Variants in PGGHG observed in about 807,000 individuals in gnomAD.
PGGHG encodes protein-glucosylgalactosylhydroxylysine glucosidase.
A neutral mutation model predicts 74.5 loss-of-function variants in PGGHG; 67 were observed. The observed-to-expected ratio is 0.90, with a 90% CI of 0.74 to 1.10. The LOEUF is 1.10. Ranked by LOEUF, PGGHG falls within the 50% of genes least tolerant of loss-of-function variation. The pLI, the probability that PGGHG is intolerant of heterozygous loss-of-function variation, is 0.00. For synonymous variants in PGGHG, 496 were observed against 419.9 expected (o/e 1.18, Z -2.21); for missense variants, 1,034 against 981.5 (o/e 1.05, Z -0.72).
rs1343474182 is a variant in PGGHG, at chr11:294,675, C to T, written c.2140C>T (p.Gln714Ter). Residue 714 changes from glutamine (Q) to a stop codon, truncating the protein, a stop_gained, in exon 14 of 14, where the codon CAG becomes TAG. Coordinates refer to ENST00000409548, the MANE Select transcript of PGGHG (RefSeq NM_025092.5). LOFTEE classifies it low-confidence loss of function (END_TRUNC). The stretch of plus-strand genomic sequence containing the variant: ...TTTTTCAGATGTTAGGGACCCGCTC[C>T]AGAGCCCCCTCTGGGTCACCCTGGG... ...RTFSDVRDPL[Q>*]SPLWVTLGSS... is the part of the protein sequence containing the mutation. 6 of 1,613,552 alleles carry T rather than the reference C, an allele frequency of 3.7e-6. No homozygotes were observed. Among genetic ancestry groups the T allele is most frequent in the Non-Finnish European group, 5.1e-6 (6 of 1,179,964 alleles).
rs928335063 is a variant in PGGHG at position 294,271 on chromosome 11, A to T, written c.1813A>T (p.Thr605Ser). The T allele has an allele frequency of 2.5e-6, 4 of 1,602,458 alleles. No individual in the cohort carries two copies. In the Admixed American group the frequency reaches 5.1e-5, roughly 20 times the overall value. Reference sequence around the variant, plus strand: ...CACAAGCCTCTCCTCCCACAGGGTCACCCGAGCGGGTGTGACCTTTGACCC... The same window carrying T: ...CACAAGCCTCTCCTCCCACAGGGTCTCCCGAGCGGGTGTGACCTTTGACCC... ...VVFGCTGFRV[T>S]RAGVTFDPVC... The change falls in exon 13 of 14, where the codon ACC becomes TCC. Residue 605 changes from threonine to serine, a missense_variant. By Grantham distance (58) the Thr-to-Ser change is moderately conservative (BLOSUM62 1). Coordinates refer to ENST00000409548, the MANE Select transcript of PGGHG (RefSeq NM_025092.5).
rs1247488862 is a variant in PGGHG at position 289,873 on chromosome 11, C to T, written c.57C>T (p.Asp19=). 16 of 1,551,180 alleles carry T rather than the reference C, an allele frequency of 1.0e-5. No homozygotes were observed. Among genetic ancestry groups the T allele is most frequent in the Non-Finnish European group, 1.3e-5 (15 of 1,146,928 alleles). ...TTGCTGCCCACTCTCTGCCCAGTGA[C>T]CCCCGTCTCTTGGCCACTGTGACCA... is the stretch of plus-strand genomic sequence containing the variant. ...TTFAAHSLPS[D]PRLLATVTNA... Residue 19 remains aspartate (D), a synonymous_variant, in exon 2 of 14, where the codon GAC becomes GAT. Transcript: ENST00000409548. This position sits in a 1 kb window ranked among gnomAD's most constrained non-coding sequence, Gnocchi z 5.6.
At position 290,561 on chromosome 11, in the gene PGGHG, A is replaced by G; in HGVS notation, c.431A>G (p.Asp144Gly). Residue 144 changes from aspartate (D) to glycine (G), a missense_variant, in exon 3 of 14, where the codon GAC (aspartate) becomes GGC (glycine). Physicochemically the swap from Asp to Gly is moderately conservative, Grantham distance 94. Coordinates refer to ENST00000409548, the MANE Select transcript of PGGHG (RefSeq NM_025092.5). ...LRSAFSPESP[D>G]LDLHQGPDFQ... ...TCAGCCTTCTCCCCAGAAAGCCCAG[A>G]CCTGGACCTGCATCAGGGTCCTGAC... 1.3e-6 allele frequency: 2 copies of G among 1,551,838 alleles called. No homozygotes were observed. The highest frequency in any genetic ancestry group is 1.7e-6 in the Non-Finnish European group (2 of 1,147,600).
chr11:292,488 T>G lies in PGGHG; in HGVS notation c.1027-58T>G, dbSNP rs945506187. On this transcript the variant is annotated intron_variant, in intron 5 of 13. Transcript: ENST00000409548. Reference sequence around the variant, plus strand: ...CCTCCAGGGCGAGGGCACGGGAAAGTTGGGGGGCCACCGCTCCCCTCCAAC... The same window carrying G: ...CCTCCAGGGCGAGGGCACGGGAAAGGTGGGGGGCCACCGCTCCCCTCCAAC... The G allele has an allele frequency of 1.5e-5, 24 of 1,594,622 alleles. No individual in the cohort carries two copies. In the Admixed American group the frequency reaches 4.0e-4, roughly 27 times the overall value.
chr11:290,232 C>T (rs981460464), intron 2 of PGGHG, among the ~76,000 whole-genome samples, 157 bp downstream of exon 2: 2 of 152,192 alleles, frequency 1.3e-5, no homozygotes, highest in African/African-American at 4.8e-5. Context: ...CCCTTCCCTC[C>T]ACCTGGAGGC....
rs766289719 is a variant in PGGHG at position 294,669 on chromosome 11, C to CCGCT, written c.2136_2139dup (p.Gln714AlafsTer25). On this transcript the variant is annotated frameshift_variant, in exon 14 of 14. Transcript: ENST00000409548. LOFTEE classifies it low-confidence loss of function (END_TRUNC). ...GAGGACTTTTTCAGATGTTAGGGAC[C>CCGCT]CGCTCCAGAGCCCCCTCTGGGTCAC... The CCGCT allele has an allele frequency of 3.7e-6, 6 of 1,613,658 alleles. No homozygotes were observed. The South Asian group carries it at 6.6e-5, about 18-fold the overall frequency.
intron 4 of PGGHG, chr11:291,558 G>A (rs1381473795): frequency 1.2e-5 from 3 of 259,104 alleles, no homozygotes; most frequent in Non-Finnish European, 2.2e-5. Context: ...CAGAGCGGAG[G>A]GGCATGATGG....
rs1590284083 is a variant in PGGHG at position 291,032 on chromosome 11, C to T, written c.825C>T (p.Tyr275=). 6.2e-7 allele frequency: 1 copy of T among 1,612,460 alleles called. No homozygotes were observed. Among genetic ancestry groups the T allele is most frequent in the Non-Finnish European group, 8.5e-7 (1 of 1,179,772 alleles). ...SALPQPKAPG[Y]ICHGLSPGGL... Reference sequence around the variant, plus strand: ...TGCCCCAGCCCAAGGCCCCAGGATACATCTGCCATGGCCTCAGTCCTGGGG... The same window carrying T: ...TGCCCCAGCCCAAGGCCCCAGGATATATCTGCCATGGCCTCAGTCCTGGGG... Residue 275 remains tyrosine (Y), a synonymous_variant, in exon 4 of 14, where the codon TAC becomes TAT. Coordinates refer to ENST00000409548, the MANE Select transcript of PGGHG (RefSeq NM_025092.5).
In PGGHG at chr11:291,128, C is replaced by G. The variant is rs1845708098; in HGVS notation, c.906+15C>G. 1.0e-5 allele frequency: 16 copies of G among 1,543,502 alleles called. No homozygotes were observed. The highest frequency in any genetic ancestry group is 1.4e-5 in the Non-Finnish European group (16 of 1,142,386). On this transcript the variant is annotated intron_variant, in intron 4 of 13. Transcript: ENST00000409548. Reference sequence around the variant, plus strand: ...TCTGGGACCAGGTGAGCACTGTACACCCAGCACCAGCCACACAGCAGGCGA... The same window carrying G: ...TCTGGGACCAGGTGAGCACTGTACAGCCAGCACCAGCCACACAGCAGGCGA...
rs1845839330 is a variant in PGGHG at position 295,235 on chromosome 11, A to G, written c.*486A>G. The G allele has an allele frequency of 6.5e-6, 1 of 153,706 alleles. No individual in the cohort carries two copies. Among genetic ancestry groups the G allele is most frequent in the Non-Finnish European group, 1.4e-5 (1 of 69,198 alleles). The allele number at this position is 153,706 out of a possible 1,614,324, so 9.5% of individuals were successfully genotyped here. On this transcript the variant is annotated 3_prime_UTR_variant, in exon 14 of 14. Transcript: ENST00000409548. Reference sequence around the variant, plus strand: ...AGGACTCTCAGGTGCAGCTTTGCCAAAAAGGAACTTTTCATGTCATGCAGT... The same window carrying G: ...AGGACTCTCAGGTGCAGCTTTGCCAGAAAGGAACTTTTCATGTCATGCAGT...
intron 5 of PGGHG, 128 bp from the exon 6 acceptor site, chr11:292,418 G>A (rs554567022): frequency 1.5e-5 from 18 of 1,236,598 alleles, no homozygotes; most frequent in Non-Finnish European, 1.8e-5. Flanking sequence ...GGGCCTTCTA[G>A]CAGTAGCACC....
chr11:290,176 A>C (rs1485511697), intron 2 of PGGHG, 101 bp downstream of exon 2: 7 of 1,439,954 alleles, frequency 4.9e-6, no homozygotes, highest in Non-Finnish European at 5.5e-6. Context: ...GAGTTTACAC[A>C]GGAAGTCTCA....
Position 296,020 on chromosome 11 carries a change from G to C in PGGHG, c.*1271G>C, listed in dbSNP as rs554363255. On this transcript the variant is annotated 3_prime_UTR_variant, in exon 14 of 14. Coordinates refer to ENST00000409548, the MANE Select transcript of PGGHG (RefSeq NM_025092.5). ...ACCCTCAGCGGCTGCCAGAAGCAGC[G>C]TGTGGGGGAGGCATGTGCTGCAGCA... 6.6e-6 allele frequency: 1 copy of C among 152,320 alleles called. No individual in the cohort carries two copies. The highest frequency in any genetic ancestry group is 1.5e-5 in the Non-Finnish European group (1 of 68,092). The allele number at this position is 152,320 out of a possible 1,614,324, so 9.4% of individuals were successfully genotyped here.
rs368575596 is a variant in PGGHG at position 294,309 on chromosome 11, G to A, written c.1851G>A (p.Ser617=). 6.2e-6 allele frequency: 10 copies of A among 1,612,408 alleles called. No individual in the cohort carries two copies. The highest frequency in any genetic ancestry group is 4.5e-5 in the East Asian group (2 of 44,884). ...AGVTFDPVCL[S]GISRVSVSGI... Reference sequence around the variant, plus strand: ...TGACCTTTGACCCTGTGTGTCTGTCGGGGATCTCCAGAGTGAGCGTCTCCG... The same window carrying A: ...TGACCTTTGACCCTGTGTGTCTGTCAGGGATCTCCAGAGTGAGCGTCTCCG... The change falls in exon 13 of 14, where the codon TCG becomes TCA. Residue 617 remains serine, a synonymous_variant. Coordinates refer to ENST00000409548, the MANE Select transcript of PGGHG (RefSeq NM_025092.5).
At chr11:290,191 G>C (rs1424981271) in intron 2 of PGGHG, 116 bp downstream of exon 2, 27 of 1,426,064 alleles carry the variant, frequency 1.9e-5, no homozygotes, top group Non-Finnish European at 7.4e-6. Context: ...GTCTCACTAA[G>C]ACAGGAGGCC....
chr11:292,612 G>C lies in PGGHG; in HGVS notation c.1093G>C (p.Val365Leu), dbSNP rs1447917789. The C allele has an allele frequency of 6.2e-7, 1 of 1,613,746 alleles. No homozygotes were observed. Among genetic ancestry groups the C allele is most frequent in the Non-Finnish European group, 8.5e-7 (1 of 1,180,016 alleles). The change falls in exon 6 of 14, where the codon GTC becomes CTC. Residue 365 changes from valine to leucine, a missense_variant. Physicochemically the swap from Val to Leu is conservative, Grantham distance 32 (BLOSUM62 1). Transcript: ENST00000409548. Reference protein sequence around the residue: ...LEVCPEDIYGVQEVHVNGAVV... With the variant: ...LEVCPEDIYGLQEVHVNGAVV... ...GGTTTGCCCTGAGGACATTTACGGA[G>C]TCCAGGAGGTCCACGTCAACGGGGC...
chr11:291,641 C>T, intron 4 of PGGHG: 1 of 303,104 alleles, frequency 3.3e-6, no homozygotes, highest in Non-Finnish European at 6.2e-6. Flanking sequence ...CCCGGTGCTG[C>T]CGCTGTGGCC....
At chr11:291,678 C>A in intron 4 of PGGHG, 1 of 361,522 alleles carries the variant, frequency 2.8e-6, no homozygotes, top group Non-Finnish European at 5.1e-6. Flanking sequence ...TCTCAGAGGC[C>A]GAGTCATTCA....
intron 4 of PGGHG, 31 bp downstream of exon 4, chr11:291,144 C>G (rs760514253): frequency 1.3e-6 from 2 of 1,527,172 alleles, no homozygotes; most frequent in Non-Finnish European, 8.8e-7. Flanking sequence ...ACCAGCCACA[C>G]AGCAGGCGAC....
Sources: gnomAD v4.1 joint callset for allele counts (sites outside exome capture counted in the v4.1 genomes callset) on GRCh38, gnomAD v4.1.1 for gene constraint, Gnocchi (gnomAD v3.1) non-coding constraint, MANE v1.5 for transcripts, NCBI Gene and HGNC (gene_info 2026-07-23, HGNC 2026-07-21) for gene names.